Variants in KANK1 observed in about 807,000 individuals in gnomAD.
KANK1 encodes the protein KN motif and ankyrin repeat domain-containing protein 1.
In KANK1, 109 loss-of-function variants were observed where a neutral mutation model predicts 106.2. The ratio of observed to expected loss-of-function variants is 1.03; its 90% CI spans 0.88 to 1.20. The LOEUF (loss-of-function observed/expected upper bound fraction) is 1.20. Ranked by LOEUF, KANK1 falls within the 50% of genes most tolerant of loss-of-function variation. The probability of loss-of-function intolerance (pLI) is 0.00; values close to 1 mark genes in which losing one functional copy is unlikely to be tolerated. For synonymous variants in KANK1, 873 were observed against 652.2 expected, an observed-to-expected ratio of 1.34 and a Z score of -5.16; for missense variants, 2,399 against 1,710.7, an observed-to-expected ratio of 1.40 and a Z score of -7.10.
chr9:552,310 A>G (rs1304524515), intron 1 of KANK1, among the ~76,000 whole-genome samples: 1 of 152,156 alleles, frequency 6.6e-6, no homozygotes, highest in Non-Finnish European at 1.5e-5. Context: ...AAGAAGACCA[A>G]TTAGGAGGTT....
intron 3 of KANK1, 86 bp downstream of exon 3, chr9:713,550 G>A (rs539444931): frequency 7.9e-4 from 1,130 of 1,425,628 alleles, no homozygotes; most frequent in Non-Finnish European, 1.0e-3. Context: ...TTAACTGCTG[G>A]AACCATTTTT....
intron 1 of KANK1, among the ~76,000 whole-genome samples, chr9:555,480 A>G (rs1351358462): frequency 6.6e-6 from 1 of 152,274 alleles, no homozygotes; most frequent in Admixed American, 6.5e-5. Flanking sequence ...ATGAGTGAAC[A>G]TAAATCAGGA....
At chr9:666,901 CTTTTTTTTTT>C (rs35149316) in intron 1 of KANK1, among the ~76,000 whole-genome samples, 1 of 53,494 alleles carries the variant, frequency 1.9e-5, no homozygotes, top group African/African-American at 8.7e-5. Flanking sequence ...CTATTGTTGT[CTTTTTTTTTT>C]TTTTTTTTTT....
At chr9:566,701 G>C (rs1377858071) in intron 1 of KANK1, among the ~76,000 whole-genome samples, 2 of 152,092 alleles carry the variant, frequency 1.3e-5, no homozygotes, top group African/African-American at 4.8e-5. Context: ...CTTTTTAATG[G>C]AGTTGTTTTT....
At chr9:584,662 G>C (rs576974494) in intron 1 of KANK1, among the ~76,000 whole-genome samples, 1 of 152,294 alleles carries the variant, frequency 6.6e-6, no homozygotes, top group East Asian at 1.9e-4. Flanking sequence ...AGTTCTGTAA[G>C]ATTTGTTAGG....
chr9:601,607 T>A (rs1563838998), intron 1 of KANK1, among the ~76,000 whole-genome samples: 1 of 151,914 alleles, frequency 6.6e-6, no homozygotes, highest in Non-Finnish European at 1.5e-5. Context: ...TTATTGCTAG[T>A]GCTATTCGTG....
At chr9:693,427 A>G (rs1312376419) in intron 2 of KANK1, 5 of 985,302 alleles carry the variant, frequency 5.1e-6, no homozygotes, top group Non-Finnish European at 6.0e-6. Context: ...TCCTAGAATT[A>G]ACAGGCTTAC....
chr9:537,498 CAAGT>C (rs1371424071), intron 1 of KANK1, among the ~76,000 whole-genome samples: 1 of 152,104 alleles, frequency 6.6e-6, no homozygotes, highest in African/African-American at 2.4e-5. Context: ...CTTTGATAAA[CAAGT>C]AATTTGGGGG....
At position 598,620 on chromosome 9, in the gene KANK1, C is replaced by CTTTTTTTTTTTTTTTTTTTT. The variant is rs3028166; in HGVS notation, c.-83-78259_-83-78240dup. 1.7e-4 allele frequency among the ~76,000 whole-genome samples: 8 copies of CTTTTTTTTTTTTTTTTTTTT among 46,660 alleles called. 1 individual carries two copies. Among genetic ancestry groups the CTTTTTTTTTTTTTTTTTTTT allele is most frequent in the Non-Finnish European group, 2.2e-4 (5 of 23,144 alleles). The allele number at this position is 46,660 out of a possible 152,430, so 30.6% of individuals were successfully genotyped here. A position where few individuals can be genotyped will look rare whatever the true frequency, so the allele number is the denominator to read the frequency against. Reference sequence around the variant, plus strand: ...TTTTTTGTTTTGTTTTGTTGGTTTTCTTTTTTTTTTTTTTTTTTTTTTTTT... The same window carrying CTTTTTTTTTTTTTTTTTTTT: ...TTTTTTGTTTTGTTTTGTTGGTTTTCTTTTTTTTTTTTTTTTTTTTTTTTTTTTTTTTTTTTTTTTTTTTT... On this transcript the variant is annotated intron_variant, in intron 1 of 11. Transcript: ENST00000382297.
At chr9:624,354 C>G (rs1308889827) in intron 1 of KANK1, among the ~76,000 whole-genome samples, 1 of 152,100 alleles carries the variant, frequency 6.6e-6, no homozygotes, top group African/African-American at 2.4e-5. Flanking sequence ...TGTGTGATGA[C>G]AGATGTGTTG....
At chr9:690,133 CAA>C (rs57837964) in intron 2 of KANK1, among the ~76,000 whole-genome samples, 40 of 61,666 alleles carry the variant, frequency 6.5e-4, no homozygotes, top group East Asian at 4.8e-3. Context: ...TCTAAAAATA[CAA>C]AAAAAAAAAA....
In KANK1 at chr9:732,394, A is replaced by C; in HGVS notation, c.3022A>C (p.Ser1008Arg). Residue 1008 changes from serine to arginine, a missense_variant, in exon 6 of 12, where the codon AGT becomes CGT. Physicochemically the swap from Ser to Arg is moderately radical, Grantham distance 110 (BLOSUM62 -1). Coordinates refer to ENST00000382297, the MANE Select transcript of KANK1 (RefSeq NM_015158.5). ...GCCACCTAGGTATGAAACAACTTCA[A>C]GTGATGATTCCAGCTCAGATGAAAG... ...GINGGYETTS[S>R]DDSSSDESSS... 3 of 1,611,804 alleles carry C rather than the reference A, an allele frequency of 1.9e-6. No homozygotes were observed. Among genetic ancestry groups the C allele is most frequent in the Non-Finnish European group, 2.5e-6 (3 of 1,177,992 alleles).
intron 1 of KANK1, among the ~76,000 whole-genome samples, chr9:519,522 G>C (rs1334057759): frequency 6.6e-6 from 1 of 151,780 alleles, no homozygotes; most frequent in Non-Finnish European, 1.5e-5. Context: ...AATCATTTGT[G>C]AAACTATTCA....
At chr9:710,133 A>G (rs1825535072) in intron 2 of KANK1, among the ~76,000 whole-genome samples, 1 of 152,200 alleles carries the variant, frequency 6.6e-6, no homozygotes, top group African/African-American at 2.4e-5. Flanking sequence ...TGTGTACACT[A>G]GAAGCTCAAA....
At chr9:683,179 A>T (rs1817906723) in intron 2 of KANK1, among the ~76,000 whole-genome samples, 4 of 152,184 alleles carry the variant, frequency 2.6e-5, no homozygotes, top group Admixed American at 2.6e-4. Flanking sequence ...GAGTTTGCTG[A>T]TTAGAAACTA....
At chr9:570,251 T>C (rs1387382929) in intron 1 of KANK1, among the ~76,000 whole-genome samples, 1 of 152,220 alleles carries the variant, frequency 6.6e-6, no homozygotes, top group Non-Finnish European at 1.5e-5. Context: ...CTTAAAATTT[T>C]AAATCCGTAG....
chr9:614,116 C>T (rs1196362335), intron 1 of KANK1, among the ~76,000 whole-genome samples: 1 of 152,308 alleles, frequency 6.6e-6, no homozygotes, highest in East Asian at 1.9e-4. Flanking sequence ...GGGTTTCCAG[C>T]CACTTGTCCT....
intron 1 of KANK1, among the ~76,000 whole-genome samples, chr9:649,993 T>C (rs1372932411): frequency 6.6e-6 from 1 of 152,180 alleles, no homozygotes; most frequent in Admixed American, 6.5e-5. Flanking sequence ...GTCCTGTGTT[T>C]TTCTGAGCAG....
At chr9:519,319 A>G (rs371796582) in intron 1 of KANK1, among the ~76,000 whole-genome samples, 3 of 151,738 alleles carry the variant, frequency 2.0e-5, no homozygotes, top group East Asian at 1.9e-4. Flanking sequence ...TGAACTTCCA[A>G]CTTCTCAGGA....
Sources: gnomAD v4.1 joint callset for allele counts (sites outside exome capture counted in the v4.1 genomes callset) on GRCh38, gnomAD v4.1.1 for gene constraint, MANE v1.5 for transcripts, NCBI Gene and HGNC (gene_info 2026-07-23, HGNC 2026-07-21) for gene names.